The following PTPN9 variants were observed in gnomAD, a reference collection of about 807,000 sequenced individuals.
The protein encoded by PTPN9 is tyrosine-protein phosphatase non-receptor type 9.
PTPN9 carries 26 observed loss-of-function variants against 69.8 expected under a neutral mutation model. That is an observed-to-expected ratio of 0.37 (90% confidence interval 0.27 to 0.52). The LOEUF is 0.52. PTPN9 is among the 20% of genes least tolerant of loss of function. The pLI is 0.91. For missense variants in PTPN9, 549 were observed against 740.3 expected (o/e 0.74, Z 3.00); for synonymous variants, 274 against 272.5 (o/e 1.01, Z -0.05).
chr15:75,524,117 T>TAAAAAAAAAAAAAAAAAAAAAAAAA (rs34132149), intron 3 of PTPN9, 92 bp downstream of exon 3: 1 of 322,312 alleles, frequency 3.1e-6, no homozygotes, highest in Non-Finnish European at 5.2e-6. Flanking sequence ...ATAATAAAAT[T>TAAAAAAAAAAAAAAAAAAAAAAAAA]AAAAAAAAAA....
chr15:75,507,317 G>A (rs545537824), intron 6 of PTPN9, among the ~76,000 whole-genome samples: 21 of 151,892 alleles, frequency 1.4e-4, no homozygotes, highest in South Asian at 2.1e-4. Context: ...ATGTTGGCAG[G>A]AGCCTGTAAT....
rs777249613 is a variant in PTPN9 at position 75,505,977 on chromosome 15, G to A, written c.666C>T (p.Val222=). Residue 222 remains valine, a synonymous_variant, in exon 7 of 13, where the codon GTC becomes GTT. Coordinates refer to ENST00000618819, the MANE Select transcript of PTPN9 (RefSeq NM_002833.4). ...GACACTCCCTGGGCAGATGCTGCGTGACCTCAGATGTCTTTAATATTTGAA... is the reference window on the plus strand; with the variant it reads ...GACACTCCCTGGGCAGATGCTGCGTAACCTCAGATGTCTTTAATATTTGAA... ...ERIQILKTSE[V]TQHLPRECLP... 7 of 1,613,008 alleles carry A rather than the reference G, an allele frequency of 4.3e-6. No homozygotes were observed. Among genetic ancestry groups the A allele is most frequent in the Middle Eastern group, 1.7e-4 (1 of 6,058 alleles).
intron 7 of PTPN9, among the ~76,000 whole-genome samples, chr15:75,505,312 A>T (rs2141310617): frequency 6.7e-6 from 1 of 150,098 alleles, no homozygotes; most frequent in African/African-American, 2.5e-5. Context: ...CCAGGGACAC[A>T]AACACTGCGG....
At chr15:75,495,442 G>A (rs1373972062) in intron 7 of PTPN9, among the ~76,000 whole-genome samples, 1 of 152,000 alleles carries the variant, frequency 6.6e-6, no homozygotes, top group East Asian at 1.9e-4. Flanking sequence ...GCCAAGCACG[G>A]TGGCTCACAC....
intron 1 of PTPN9, among the ~76,000 whole-genome samples, chr15:75,559,364 G>C (rs1474626378): frequency 6.6e-6 from 1 of 152,206 alleles, no homozygotes; most frequent in Admixed American, 6.5e-5. Context: ...AGAGAAATCA[G>C]ACTGTTGCTG....
chr15:75,567,325 G>T (rs1005265047), intron 1 of PTPN9, among the ~76,000 whole-genome samples: 3 of 151,882 alleles, frequency 2.0e-5, no homozygotes, highest in African/African-American at 7.3e-5. Context: ...GCCTTAAATA[G>T]CCCATTTTTT....
At chr15:75,550,008 T>C (rs1035967451) in intron 1 of PTPN9, among the ~76,000 whole-genome samples, 1 of 151,206 alleles carries the variant, frequency 6.6e-6, no homozygotes, top group Non-Finnish European at 1.5e-5. Context: ...ACTGTCTTGA[T>C]AAACTCCTTT....
chr15:75,560,092 A>G (rs949798953), intron 1 of PTPN9, among the ~76,000 whole-genome samples: 2 of 151,568 alleles, frequency 1.3e-5, no homozygotes, highest in Non-Finnish European at 2.9e-5. Flanking sequence ...GTGAGCTGAG[A>G]TAGTGCCACT....
intron 5 of PTPN9, chr15:75,513,049 A>G: frequency 2.6e-6 from 1 of 389,200 alleles, no homozygotes; most frequent in East Asian, 6.6e-5. Context: ...AATCCTTTAT[A>G]ACCACAGGAG....
At chr15:75,530,854 TGATATATTATATATTAC>T (rs1264056776) in intron 1 of PTPN9, among the ~76,000 whole-genome samples, 3 of 102,788 alleles carry the variant, frequency 2.9e-5, no homozygotes, top group Non-Finnish European at 5.4e-5. Context: ...TTATATATTA[TGATATATTATATATTAC>T]GATATATTAT....
intron 10 of PTPN9, among the ~76,000 whole-genome samples, chr15:75,473,142 C>G (rs1307065913): frequency 6.6e-6 from 1 of 152,164 alleles, no homozygotes; most frequent in Non-Finnish European, 1.5e-5. Context: ...TTGCCAGAGC[C>G]AGGGATTAAA....
At chr15:75,526,228 G>C (rs1405182112) in intron 2 of PTPN9, among the ~76,000 whole-genome samples, 1 of 152,076 alleles carries the variant, frequency 6.6e-6, no homozygotes, top group Non-Finnish European at 1.5e-5. Context: ...CTGACCTCAA[G>C]TGATCCACCT....
chr15:75,575,827 A>C (rs1342747310), intron 1 of PTPN9, among the ~76,000 whole-genome samples: 1 of 151,222 alleles, frequency 6.6e-6, no homozygotes, highest in Non-Finnish European at 1.5e-5. Context: ...GCTGAGACAG[A>C]AGAATGGCAT....
chr15:75,491,859 T>G (rs2141300421), intron 7 of PTPN9, among the ~76,000 whole-genome samples: 1 of 152,300 alleles, frequency 6.6e-6, no homozygotes. Flanking sequence ...TTTCTACTAC[T>G]TATTTGTCAA....
At chr15:75,565,215 C>A (rs1253903986) in intron 1 of PTPN9, among the ~76,000 whole-genome samples, 1 of 151,792 alleles carries the variant, frequency 6.6e-6, no homozygotes, top group African/African-American at 2.4e-5. Flanking sequence ...GGAAATGGCT[C>A]ATTTTACCCC....
At chr15:75,503,951 G>A (rs2074794658) in intron 7 of PTPN9, among the ~76,000 whole-genome samples, 1 of 120,824 alleles carries the variant, frequency 8.3e-6, no homozygotes, top group Non-Finnish European at 1.8e-5. Context: ...GGAGGTGAGG[G>A]GCGCCTCTGC....
intron 7 of PTPN9, among the ~76,000 whole-genome samples, chr15:75,502,402 C>A (rs780383965): frequency 6.6e-6 from 1 of 151,424 alleles, no homozygotes; most frequent in African/African-American, 2.4e-5. Flanking sequence ...GAGCCGAGAT[C>A]GTGCCATTGC....
At chr15:75,535,913 C>T (rs973268141) in intron 1 of PTPN9, among the ~76,000 whole-genome samples, 16 of 152,020 alleles carry the variant, frequency 1.1e-4, no homozygotes, top group African/African-American at 3.4e-4. Context: ...TGTTAATGTA[C>T]CAAAAAAGGA....
At position 75,571,645 on chromosome 15, in the gene PTPN9, C is replaced by T. The variant is rs12591954; in HGVS notation, c.63+7069G>A. On this transcript the variant is annotated intron_variant, in intron 1 of 12. Transcript: ENST00000618819. ...TTGGTGGTGGCTCACGCTTGTAATCCCAGCACTTTGGGAGGCAGAGGCAGG... is the reference window on the plus strand; with the variant it reads ...TTGGTGGTGGCTCACGCTTGTAATCTCAGCACTTTGGGAGGCAGAGGCAGG... Among the ~76,000 whole-genome samples the T allele has an allele frequency of 8.3e-3, 1,262 of 152,062 alleles. 31 individuals are homozygous for T. In the East Asian group the frequency reaches 0.1, roughly 12 times the overall value.
Sources: allele counts gnomAD v4.1 joint callset (sites outside exome capture counted in the v4.1 genomes callset), GRCh38; gene constraint gnomAD v4.1.1; transcripts MANE v1.5; gene names NCBI Gene and HGNC (gene_info 2026-07-23, HGNC 2026-07-21).